The following COA8 variants were observed in gnomAD, a reference collection of about 807,000 sequenced individuals.
COA8 encodes the protein UPF0671 protein C14orf153.
COA8 carries 20 observed loss-of-function variants against 22.0 expected under a neutral mutation model. The observed-to-expected ratio is 0.91, with a 90% CI of 0.64 to 1.32. COA8 has a LOEUF of 1.32. COA8 is among the 40% of genes most tolerant of loss of function. COA8 has a pLI of 0.00. For missense variants in COA8, 266 were observed against 230.0 expected (o/e 1.16, Z -1.01); for synonymous variants, 105 against 79.9 (o/e 1.31, Z -1.68).
At position 103,582,779 on chromosome 14, in the gene COA8, T is replaced by A. The variant is rs555468665; in HGVS notation, c.386-4495T>A. ...GAGATGGAGTCTCCTTGTCGTGCCC[T>A]GCCTAAATTCACCCTTTTAAACTGT... On this transcript the variant is annotated intron_variant, in intron 3 of 4. Coordinates refer to ENST00000409074, the MANE Select transcript of COA8 (RefSeq NM_001370595.2). Among the ~76,000 whole-genome samples the A allele has an allele frequency of 4.2e-5, 6 of 141,358 alleles. No individual in the cohort carries two copies. In the East Asian group the frequency reaches 1.3e-3, roughly 31 times the overall value. The allele number at this position is 141,358 out of a possible 152,430, so 92.7% of individuals were successfully genotyped here.
At chr14:103,563,399 A>G in intron 1 of COA8, 1 of 599,254 alleles carries the variant, frequency 1.7e-6, no homozygotes, top group Admixed American at 2.7e-5. Context: ...TACCTACCTT[A>G]TTTGTTCCCG....
In COA8 at chr14:103,571,716, C is replaced by T; in HGVS notation, c.217C>T (p.Pro73Ser). The change falls in exon 2 of 5, where the codon CCT (proline) becomes TCT (serine). Residue 73 changes from proline (P) to serine (S), a missense_variant. Coordinates refer to ENST00000409074, the MANE Select transcript of COA8 (RefSeq NM_001370595.2). ...CCTTCGACCTGTTCACTTTTACATA[C>T]CTGAAAATGAATCTCCATTGGAACA... is the stretch of plus-strand genomic sequence containing the variant. The part of the protein sequence containing the change: ...SNLRPVHFYI[P>S]ENESPLEQKL... 2.5e-6 allele frequency: 4 copies of T among 1,614,032 alleles called. No homozygotes were observed. The highest frequency in any genetic ancestry group is 3.4e-6 in the Non-Finnish European group (4 of 1,179,916).
chr14:103,590,137 G>A, intron 4 of COA8, 44 bp from the exon 5 acceptor site: 1 of 1,560,092 alleles, frequency 6.4e-7, no homozygotes, highest in Non-Finnish European at 8.8e-7. Flanking sequence ...CCAAGCCTCA[G>A]TCCCTGCCAC....
intron 1 of COA8, among the ~76,000 whole-genome samples, chr14:103,568,621 GTATATA>G (rs57741003): frequency 0.25 from 36,072 of 141,618 alleles, 4,794 homozygotes; most frequent in East Asian, 0.32. Flanking sequence ...ATGTGTGTGT[GTATATA>G]TATATATATA....
At chr14:103,587,627 C>T (rs2076318958) in intron 4 of COA8, among the ~76,000 whole-genome samples, 1 of 151,328 alleles carries the variant, frequency 6.6e-6, no homozygotes, top group African/African-American at 2.4e-5. Context: ...CCTGCCTCAG[C>T]CTCCCGAGTA....
In COA8 at chr14:103,563,031, C is replaced by T. The variant is rs779059946; in HGVS notation, c.30C>T (p.Thr10=). MVVLRAGKK[T]FLPPLCRAFA... ...TGGTCTTGCGGGCGGGGAAGAAGAC[C>T]TTTCTCCCCCCTCTCTGCCGCGCCT... Residue 10 remains threonine, a synonymous_variant, in exon 1 of 5, where the codon ACC becomes ACT. Coordinates refer to ENST00000409074, the MANE Select transcript of COA8 (RefSeq NM_001370595.2). 14 of 1,551,446 alleles carry T rather than the reference C, an allele frequency of 9.0e-6. No homozygotes were observed. Among genetic ancestry groups the T allele is most frequent in the South Asian group, 4.7e-5 (4 of 85,748 alleles).
chr14:103,577,752 C>T (rs1411391158), intron 3 of COA8, among the ~76,000 whole-genome samples: 8 of 151,476 alleles, frequency 5.3e-5, no homozygotes, highest in African/African-American at 9.7e-5. Flanking sequence ...AGGCCGGGTG[C>T]GGTGGCTCAT....
At chr14:103,569,322 A>G (rs1359806322) in intron 1 of COA8, among the ~76,000 whole-genome samples, 1 of 152,250 alleles carries the variant, frequency 6.6e-6, no homozygotes, top group East Asian at 1.9e-4. Context: ...GGAAGAACAA[A>G]GGAAGATAAC....
rs370596630 is a variant in COA8, at chr14:103,581,178, C to T, written c.386-6096C>T. Among the ~76,000 whole-genome samples the T allele has an allele frequency of 3.9e-5, 6 of 152,162 alleles. No individual in the cohort carries two copies. Among genetic ancestry groups the T allele is most frequent in the African/African-American group, 1.2e-4 (5 of 41,508 alleles). On this transcript the variant is annotated intron_variant, in intron 3 of 4. Coordinates refer to ENST00000409074, the MANE Select transcript of COA8 (RefSeq NM_001370595.2). The surrounding 1 kb of genome is among the most constrained non-coding windows in gnomAD (Gnocchi z 4.1). ...AGGAGTCCTGGAACCAACCTCCTAT[C>T]GATACCAAGGGACAACTTTTCATTT...
intron 3 of COA8, among the ~76,000 whole-genome samples, chr14:103,585,653 G>A (rs2076300858): frequency 7.4e-6 from 1 of 134,402 alleles, no homozygotes; most frequent in South Asian, 2.5e-4. Context: ...TCGGCTCACT[G>A]CAACCTCCAC....
In COA8 at chr14:103,581,510, C is replaced by T. The variant is rs1185864292; in HGVS notation, c.386-5764C>T. ...GGTTTCATCACGCTACTCAGAACAG[C>T]ATGCAGTTCAAAACTTATGACTTGT... On this transcript the variant is annotated intron_variant, in intron 3 of 4. Coordinates refer to ENST00000409074, the MANE Select transcript of COA8 (RefSeq NM_001370595.2). This position sits in a 1 kb window ranked among gnomAD's most constrained non-coding sequence, Gnocchi z 4.1. 2.5e-6 allele frequency: 1 copy of T among 397,530 alleles called. No individual in the cohort carries two copies. The highest frequency in any genetic ancestry group is 4.4e-6 in the Non-Finnish European group (1 of 225,638). 24.6% of individuals were successfully genotyped at this position (397,530 alleles called of 1,614,324 possible).
chr14:103,563,503 A>G (rs1324853368), intron 1 of COA8: 1 of 371,478 alleles, frequency 2.7e-6, no homozygotes, highest in Non-Finnish European at 5.1e-6. Context: ...TACAATTATT[A>G]GTGCTTTTCT....
intron 1 of COA8, among the ~76,000 whole-genome samples, chr14:103,570,657 C>T (rs2076176601): frequency 1.3e-5 from 2 of 152,014 alleles, no homozygotes; most frequent in African/African-American, 4.8e-5. Context: ...CGCTTGAACC[C>T]GGGAGGCGGA....
At chr14:103,589,946 G>A (rs1019464088) in intron 4 of COA8, among the ~76,000 whole-genome samples, 5 of 151,938 alleles carry the variant, frequency 3.3e-5, no homozygotes, top group African/African-American at 7.2e-5. Flanking sequence ...GGATGGTGGC[G>A]GCCTCCAGAA....
intron 3 of COA8, among the ~76,000 whole-genome samples, chr14:103,586,189 C>T (rs2076305258): frequency 7.3e-6 from 1 of 137,038 alleles, no homozygotes; most frequent in Admixed American, 7.8e-5. Flanking sequence ...GCGTGAGCCA[C>T]TGCACCTGGC....
chr14:103,586,888 G>C (rs566618143), intron 3 of COA8, among the ~76,000 whole-genome samples: 1 of 152,018 alleles, frequency 6.6e-6, no homozygotes, highest in South Asian at 2.1e-4. Flanking sequence ...ATTTTTAGTA[G>C]AGATGGGGTT....
chr14:103,570,913 G>C (rs1392506344), intron 1 of COA8, among the ~76,000 whole-genome samples: 2 of 152,222 alleles, frequency 1.3e-5, no homozygotes, highest in Admixed American at 1.3e-4. Flanking sequence ...AATCACAGGG[G>C]TGTGGGACTC....
chr14:103,569,091 G>A (rs1396742331), intron 1 of COA8, among the ~76,000 whole-genome samples: 2 of 152,052 alleles, frequency 1.3e-5, no homozygotes, highest in Admixed American at 1.3e-4. Context: ...TGCCCTCCCC[G>A]CAGACATGAG....
intron 1 of COA8, among the ~76,000 whole-genome samples, chr14:103,570,840 A>G (rs2076178535): frequency 6.6e-6 from 1 of 152,180 alleles, no homozygotes; most frequent in Non-Finnish European, 1.5e-5. Context: ...TTTCAAAAAT[A>G]GTTTGGAGGA....
Sources: gnomAD v4.1 joint callset for allele counts (sites outside exome capture counted in the v4.1 genomes callset) on GRCh38, gnomAD v4.1.1 for gene constraint, Gnocchi (gnomAD v3.1) non-coding constraint, MANE v1.5 for transcripts, NCBI Gene and HGNC (gene_info 2026-07-23, HGNC 2026-07-21) for gene names.